The following ULK4 variants were observed in gnomAD, a reference collection of about 807,000 sequenced individuals.
ULK4 encodes inactive serine/threonine-protein kinase ULK4.
ULK4 carries 133 observed loss-of-function variants against 160.6 expected under a neutral mutation model. The observed-to-expected ratio is 0.83, with a 90% CI of 0.72 to 0.96. The LOEUF is 0.96. Ranked by LOEUF, ULK4 falls within the 40% of genes least tolerant of loss-of-function variation. ULK4 has a pLI of 0.00. For missense variants in ULK4, 1,580 were observed against 1,499.5 expected, an observed-to-expected ratio of 1.05 and a Z score of -0.89; for synonymous variants, 534 against 539.8, an observed-to-expected ratio of 0.99 and a Z score of 0.15.
At chr3:41,613,821 A>G (rs1559433191) in intron 31 of ULK4, among the ~76,000 whole-genome samples, 1 of 152,210 alleles carries the variant, frequency 6.6e-6, no homozygotes, top group Non-Finnish European at 1.5e-5. Context: ...ATAATGTCCT[A>G]TAAGAAATCT....
Position 41,603,575 on chromosome 3 carries a change from G to A in ULK4, c.3120+12094C>T, listed in dbSNP as rs561698962. ...CAGGCATCCATAAACATAGATGCCTGAAATAGAATACACTTTTTTTTTCAG... is the reference window on the plus strand; with the variant it reads ...CAGGCATCCATAAACATAGATGCCTAAAATAGAATACACTTTTTTTTTCAG... On this transcript the variant is annotated intron_variant, in intron 31 of 36. Coordinates refer to ENST00000301831, the MANE Select transcript of ULK4 (RefSeq NM_017886.4). Among the ~76,000 whole-genome samples, 5 of 151,932 alleles carry A rather than the reference G, an allele frequency of 3.3e-5. No homozygotes were observed. The East Asian group carries it at 5.8e-4, about 18-fold the overall frequency.
intron 19 of ULK4, among the ~76,000 whole-genome samples, chr3:41,808,234 C>A (rs1366883710): frequency 1.3e-5 from 2 of 152,152 alleles, no homozygotes; most frequent in Non-Finnish European, 2.9e-5. Context: ...GTTCTAAAAT[C>A]TTTTTCCTGA....
rs547985656 is a variant in ULK4, at chr3:41,774,742, T to C, written c.2193+14919A>G. On this transcript the variant is annotated intron_variant, in intron 21 of 36. Coordinates refer to ENST00000301831, the MANE Select transcript of ULK4 (RefSeq NM_017886.4). ...TACTGGGTATATACCCAAAGGATTATAAATCATGCTGCTATAAAGACACAT... is the reference window on the plus strand; with the variant it reads ...TACTGGGTATATACCCAAAGGATTACAAATCATGCTGCTATAAAGACACAT... Among the ~76,000 whole-genome samples, 582 of 150,528 alleles carry C rather than the reference T, an allele frequency of 3.9e-3. 36 individuals carry two copies. Among genetic ancestry groups the C allele is most frequent in the African/African-American group, 0.014 (540 of 39,930 alleles).
intron 12 of ULK4, among the ~76,000 whole-genome samples, chr3:41,905,674 A>G (rs1698527654): frequency 1.3e-5 from 2 of 152,216 alleles, no homozygotes; most frequent in African/African-American, 4.8e-5. Flanking sequence ...TTTTGAATAA[A>G]TATTTCTCCA....
At chr3:41,830,812 G>T (rs1252183929) in intron 18 of ULK4, among the ~76,000 whole-genome samples, 5 of 151,140 alleles carry the variant, frequency 3.3e-5, no homozygotes, top group Non-Finnish European at 7.4e-5. Flanking sequence ...GGGATAAACT[G>T]AGCACTGAGG....
At chr3:41,405,746 C>T (rs545334684) in intron 34 of ULK4, among the ~76,000 whole-genome samples, 3 of 152,028 alleles carry the variant, frequency 2.0e-5, no homozygotes, top group Non-Finnish European at 4.4e-5. Context: ...TTTTCATATG[C>T]TTCTTGGCCG....
intron 16 of ULK4, among the ~76,000 whole-genome samples, chr3:41,894,187 G>A (rs572222388): frequency 5.7e-4 from 86 of 152,188 alleles, no homozygotes; most frequent in African/African-American, 2.0e-3. Flanking sequence ...GTCAGCAGGG[G>A]GCACCCCATT....
At chr3:41,679,275 CTG>C (rs1459460142) in intron 29 of ULK4, among the ~76,000 whole-genome samples, 3 of 152,158 alleles carry the variant, frequency 2.0e-5, no homozygotes, top group Non-Finnish European at 4.4e-5. Flanking sequence ...TTGCCACACA[CTG>C]TACCGTTTCA....
intron 21 of ULK4, among the ~76,000 whole-genome samples, chr3:41,772,382 G>C (rs1451099914): frequency 1.3e-5 from 2 of 151,924 alleles, no homozygotes; most frequent in African/African-American, 4.8e-5. Context: ...AAATGATAAA[G>C]GGGATATCAC....
chr3:41,436,659 T>C (rs1208520405), intron 34 of ULK4, among the ~76,000 whole-genome samples: 1 of 152,130 alleles, frequency 6.6e-6, no homozygotes, highest in Non-Finnish European at 1.5e-5. Flanking sequence ...AGAAATATGT[T>C]AGGGGCCAAC....
intron 18 of ULK4, among the ~76,000 whole-genome samples, chr3:41,823,984 G>A (rs116393551): frequency 0.12 from 18,760 of 151,888 alleles, 1,327 homozygotes; most frequent in Middle Eastern, 0.27. Context: ...CCAATGTGGC[G>A]AAACACCATT....
At position 41,318,148 on chromosome 3, in the gene ULK4, T is replaced by A. The variant is rs59740886; in HGVS notation, c.3679-68574A>T. 7.8e-3 allele frequency among the ~76,000 whole-genome samples: 858 copies of A among 109,458 alleles called. 15 individuals carry two copies. Among genetic ancestry groups the A allele is most frequent in the African/African-American group, 0.033 (813 of 24,532 alleles). 71.8% of individuals were successfully genotyped at this position (109,458 alleles called of 152,430 possible). ...GGGGGAAATTATAGTTAAAAAAAAA[T>A]AAGATAGAAAAAATGACTTTCCTCA... is the stretch of plus-strand genomic sequence containing the variant. On this transcript the variant is annotated intron_variant, in intron 35 of 36. Coordinates refer to ENST00000301831, the MANE Select transcript of ULK4 (RefSeq NM_017886.4).
chr3:41,289,420 G>A (rs976925173), intron 35 of ULK4, among the ~76,000 whole-genome samples: 8 of 152,188 alleles, frequency 5.3e-5, no homozygotes, highest in Admixed American at 1.3e-4. Flanking sequence ...TGCAGCCACT[G>A]ACAATGATGA....
At chr3:41,903,790 T>C (rs1166095370) in intron 12 of ULK4, among the ~76,000 whole-genome samples, 4 of 152,120 alleles carry the variant, frequency 2.6e-5, no homozygotes, top group Non-Finnish European at 1.5e-5. Context: ...AATCATTAAA[T>C]GAAAATAATT....
intron 17 of ULK4, among the ~76,000 whole-genome samples, chr3:41,881,058 TG>T (rs1383273245): frequency 6.6e-6 from 1 of 152,210 alleles, no homozygotes; most frequent in Admixed American, 6.5e-5. Flanking sequence ...TACTGATTAT[TG>T]AAAAATTATC....
intron 17 of ULK4, among the ~76,000 whole-genome samples, chr3:41,843,089 T>A (rs1006094087): frequency 6.6e-6 from 1 of 152,156 alleles, no homozygotes; most frequent in African/African-American, 2.4e-5. Context: ...GAAGAAAATA[T>A]AGGATAACGT....
At chr3:41,382,841 C>A (rs964044190) in intron 35 of ULK4, among the ~76,000 whole-genome samples, 2 of 152,018 alleles carry the variant, frequency 1.3e-5, no homozygotes, top group East Asian at 1.9e-4. Flanking sequence ...TTATATATAG[C>A]CTATCTACTT....
At chr3:41,590,109 T>C (rs2031169037) in intron 31 of ULK4, among the ~76,000 whole-genome samples, 1 of 151,760 alleles carries the variant, frequency 6.6e-6, no homozygotes, top group South Asian at 2.1e-4. Flanking sequence ...TTCACGCCAT[T>C]CTCCTGCCTC....
At chr3:41,439,235 A>T (rs2083103856) in intron 34 of ULK4, among the ~76,000 whole-genome samples, 1 of 152,232 alleles carries the variant, frequency 6.6e-6, no homozygotes, top group Non-Finnish European at 1.5e-5. Context: ...TGATATACCA[A>T]ATAATAGCTT....
Sources: allele counts gnomAD v4.1 joint callset (sites outside exome capture counted in the v4.1 genomes callset), GRCh38; gene constraint gnomAD v4.1.1; transcripts MANE v1.5; gene names NCBI Gene and HGNC (gene_info 2026-07-23, HGNC 2026-07-21).